Variants in ZBTB7C observed in about 807,000 individuals in gnomAD.
ZBTB7C encodes the protein zinc finger and BTB domain-containing protein 7C.
Under a neutral mutation model 25.7 loss-of-function variants are expected in ZBTB7C, and 8 were observed. The ratio of observed to expected loss-of-function variants is 0.31; its 90% CI spans 0.18 to 0.56. The LOEUF is 0.56. Ranked by LOEUF, ZBTB7C falls within the 20% of genes least tolerant of loss-of-function variation. ZBTB7C has a pLI of 0.91. For synonymous variants in ZBTB7C, 394 were observed against 369.0 expected, an observed-to-expected ratio of 1.07 and a Z score of -0.78; for missense variants, 824 against 855.2, an observed-to-expected ratio of 0.96 and a Z score of 0.46.
At chr18:48,161,604 G>T (rs1598998636) in intron 3 of ZBTB7C, among the ~76,000 whole-genome samples, 1 of 152,018 alleles carries the variant, frequency 6.6e-6, no homozygotes, top group Non-Finnish European at 1.5e-5. Context: ...TCCGGGACAT[G>T]AAGCAACCAC....
rs139381415 is a variant in ZBTB7C, at chr18:48,354,638, C to T, written c.-303-16240G>A. On this transcript the variant is annotated intron_variant, in intron 1 of 4. Coordinates refer to ENST00000590800, the MANE Select transcript of ZBTB7C (RefSeq NM_001318841.2). ...CATGTGGTTTTCAGAACATATCCAT[C>T]TACTAGACTCAGGAACTTGACTTGA... is the stretch of plus-strand genomic sequence containing the variant. Among the ~76,000 whole-genome samples the T allele has an allele frequency of 6.1e-3, 934 of 152,256 alleles. 9 individuals are homozygous for T. The highest frequency in any genetic ancestry group is 0.037 in the Middle Eastern group (11 of 294).
intron 3 of ZBTB7C, among the ~76,000 whole-genome samples, chr18:48,102,089 T>C (rs1383585341): frequency 1.3e-5 from 2 of 152,192 alleles, no homozygotes; most frequent in African/African-American, 2.4e-5. Context: ...ACTTCTGACA[T>C]TGAGGCGCTG....
intron 3 of ZBTB7C, among the ~76,000 whole-genome samples, chr18:48,142,062 C>T (rs1482550233): frequency 1.3e-5 from 2 of 152,358 alleles, no homozygotes; most frequent in South Asian, 4.1e-4. Context: ...ATATGGTCAC[C>T]GAGTTTACCC....
At chr18:48,201,272 A>T (rs944375584) in intron 2 of ZBTB7C, among the ~76,000 whole-genome samples, 3 of 152,240 alleles carry the variant, frequency 2.0e-5, no homozygotes, top group Non-Finnish European at 4.4e-5. Flanking sequence ...TTTAAAAAAC[A>T]TCAACATCAA....
At chr18:48,074,796 C>T (rs895384522) in intron 3 of ZBTB7C, among the ~76,000 whole-genome samples, 19 of 152,184 alleles carry the variant, frequency 1.2e-4, no homozygotes, top group Admixed American at 3.3e-4. Flanking sequence ...TGGACGGTTC[C>T]AGCCTGGCAA....
chr18:48,136,419 G>A (rs998545362), intron 3 of ZBTB7C, among the ~76,000 whole-genome samples: 6 of 152,162 alleles, frequency 3.9e-5, no homozygotes, highest in African/African-American at 1.4e-4. Flanking sequence ...GGCTCCCGCC[G>A]CGCGCCTAGC....
At chr18:48,299,984 T>C (rs1410917981) in intron 2 of ZBTB7C, among the ~76,000 whole-genome samples, 1 of 152,192 alleles carries the variant, frequency 6.6e-6, no homozygotes, top group Non-Finnish European at 1.5e-5. Flanking sequence ...ACAAATGGCA[T>C]AGGAATCCCC....
At chr18:48,182,782 G>A (rs2041960619) in intron 3 of ZBTB7C, among the ~76,000 whole-genome samples, 1 of 152,170 alleles carries the variant, frequency 6.6e-6, no homozygotes, top group East Asian at 1.9e-4. Flanking sequence ...ATGCACTTTG[G>A]AAACAGAATA....
chr18:48,197,775 T>A (rs1281874217), intron 2 of ZBTB7C, among the ~76,000 whole-genome samples: 3 of 152,220 alleles, frequency 2.0e-5, no homozygotes, highest in Non-Finnish European at 4.4e-5. Context: ...CTTTATGACC[T>A]TGCTTAATCT....
chr18:48,045,629 T>C (rs1440139620), intron 3 of ZBTB7C, among the ~76,000 whole-genome samples: 2 of 152,120 alleles, frequency 1.3e-5, no homozygotes, highest in Admixed American at 1.3e-4. Context: ...CTTCCGGGGG[T>C]CCACATCCCA....
rs557135088 is a variant in ZBTB7C at position 48,069,408 on chromosome 18, A to G, written c.-16-28285T>C. ...ACTGTTCCTGACCGGATTTACAGTC[A>G]AGCCCAGATTGCTGCCTTGTGTAGT... On this transcript the variant is annotated intron_variant, in intron 3 of 4. Coordinates refer to ENST00000590800, the MANE Select transcript of ZBTB7C (RefSeq NM_001318841.2). Among the ~76,000 whole-genome samples the G allele has an allele frequency of 1.1e-4, 16 of 152,238 alleles. 1 individual carries two copies. In the South Asian group the frequency reaches 3.3e-3, roughly 32 times the overall value.
At chr18:48,089,404 G>C (rs561127727) in intron 3 of ZBTB7C, among the ~76,000 whole-genome samples, 15 of 151,600 alleles carry the variant, frequency 9.9e-5, no homozygotes, top group Non-Finnish European at 2.1e-4. Context: ...CCCGGGAGGC[G>C]GAGGGTGCAG....
At chr18:48,056,972 G>A (rs1420114884) in intron 3 of ZBTB7C, among the ~76,000 whole-genome samples, 2 of 149,404 alleles carry the variant, frequency 1.3e-5, no homozygotes, top group Admixed American at 6.7e-5. Flanking sequence ...ATATGATGAA[G>A]GGCTAATTTC....
At chr18:48,125,552 A>G (rs1182694418) in intron 3 of ZBTB7C, among the ~76,000 whole-genome samples, 1 of 152,238 alleles carries the variant, frequency 6.6e-6, no homozygotes. Context: ...TGTTCCCCAG[A>G]CCACAGCAGA....
At chr18:48,147,618 T>C (rs1466860534) in intron 3 of ZBTB7C, 1 of 114,096 alleles carries the variant, frequency 8.8e-6, no homozygotes, top group Non-Finnish European at 2.0e-5. Context: ...TACATTATAC[T>C]ATTTTTTTTT....
At chr18:48,392,620 A>G (rs775679899) in intron 1 of ZBTB7C, among the ~76,000 whole-genome samples, 2 of 152,202 alleles carry the variant, frequency 1.3e-5, no homozygotes, top group Non-Finnish European at 1.5e-5. Flanking sequence ...GAACTCTTCT[A>G]GCAGTTTTTC....
At chr18:48,049,256 G>C (rs981208208) in intron 3 of ZBTB7C, among the ~76,000 whole-genome samples, 1 of 152,138 alleles carries the variant, frequency 6.6e-6, no homozygotes, top group African/African-American at 2.4e-5. Flanking sequence ...ATGAAGTGCT[G>C]GTGTAGGCAA....
At chr18:48,107,308 GGA>G (rs2039068676) in intron 3 of ZBTB7C, among the ~76,000 whole-genome samples, 14 of 107,522 alleles carry the variant, frequency 1.3e-4, no homozygotes, top group Admixed American at 1.2e-3. Flanking sequence ...GAGTGAGGAG[GGA>G]TGGGAGGAGG....
chr18:48,312,768 T>C (rs901032340), intron 2 of ZBTB7C, among the ~76,000 whole-genome samples: 7 of 152,206 alleles, frequency 4.6e-5, no homozygotes, highest in Non-Finnish European at 1.0e-4. Context: ...CCCAGGCTTC[T>C]GAAACAGTGT....
Sources: allele counts gnomAD v4.1 joint callset (sites outside exome capture counted in the v4.1 genomes callset), GRCh38; gene constraint gnomAD v4.1.1; transcripts MANE v1.5; gene names NCBI Gene and HGNC (gene_info 2026-07-23, HGNC 2026-07-21).